ASPG: variants seen among roughly 807,000 people sequenced by gnomAD.
The protein encoded by ASPG is asparaginase.
In ASPG, 53 loss-of-function variants were observed where a neutral mutation model predicts 63.2. That is an observed-to-expected ratio of 0.84 (90% CI 0.67 to 1.05). The LOEUF (loss-of-function observed/expected upper bound fraction) is 1.05. Ranked by LOEUF, ASPG falls within the 50% of genes least tolerant of loss-of-function variation. ASPG has a pLI of 0.00. For missense variants in ASPG, 741 were observed against 794.4 expected (o/e 0.93, Z 0.81); for synonymous variants, 370 against 355.0 (o/e 1.04, Z -0.48).
chr14:104,089,004 G>T (rs1452476109), intron 1 of ASPG, among the ~76,000 whole-genome samples: 3 of 152,052 alleles, frequency 2.0e-5, no homozygotes, highest in Non-Finnish European at 4.4e-5. Context: ...GTGAAAGCCG[G>T]TGTTTGTTTA....
chr14:104,110,402 C>T lies in ASPG; in HGVS notation c.1520+1087C>T. On this transcript the variant is annotated intron_variant, in intron 13 of 15. Transcript: ENST00000551177. This position sits in a 1 kb window ranked among gnomAD's most constrained non-coding sequence, Gnocchi z 4.7. ...GGTGACTTGGTCAAGATTTGCACTC[C>T]AGACAGGCCTTGCTGGCTCCATTGA... is the stretch of plus-strand genomic sequence containing the variant. 1 of 985,340 alleles carries T rather than the reference C, an allele frequency of 1.0e-6. No homozygotes were observed. The highest frequency in any genetic ancestry group is 4.7e-5 in the South Asian group (1 of 21,282). The allele number at this position is 985,340 out of a possible 1,614,324, so 61.0% of individuals were successfully genotyped here.
chr14:104,106,968 C>T (rs978601219), intron 11 of ASPG, 74 bp downstream of exon 11: 28 of 1,444,906 alleles, frequency 1.9e-5, no homozygotes, highest in African/African-American at 5.7e-5. Context: ...GTAGGCAGGA[C>T]GGCCTTTCAT....
Position 104,110,370 on chromosome 14 carries a change from C to A in ASPG, c.1520+1055C>A. On this transcript the variant is annotated intron_variant, in intron 13 of 15. Coordinates refer to ENST00000551177, the MANE Select transcript of ASPG (RefSeq NM_001080464.3). The surrounding 1 kb of genome is among the most constrained non-coding windows in gnomAD (Gnocchi z 4.7). ...ACCCCTGGTCTTGCTTTTGAAGGGACTTCCGGGGTGACTTGGTCAAGATTT... is the reference window on the plus strand; with the variant it reads ...ACCCCTGGTCTTGCTTTTGAAGGGAATTCCGGGGTGACTTGGTCAAGATTT... The A allele has an allele frequency of 1.0e-6, 1 of 985,346 alleles. No individual in the cohort carries two copies. Among genetic ancestry groups the A allele is most frequent in the Non-Finnish European group, 1.2e-6 (1 of 829,898 alleles). The allele number at this position is 985,346 out of a possible 1,614,324, so 61.0% of individuals were successfully genotyped here.
Position 104,111,978 on chromosome 14 carries a change from T to A in ASPG, c.1679T>A (p.Val560Asp), listed in dbSNP as rs199572221. 543 of 1,556,072 alleles carry A rather than the reference T, an allele frequency of 3.5e-4. 1 individual carries two copies. In the African/African-American group the frequency reaches 5.4e-3, roughly 16 times the overall value. Residue 560 changes from valine (V) to aspartate (D), a missense_variant, in exon 15 of 16, where the codon GTT becomes GAT. Physicochemically the swap from Val to Asp is radical, Grantham distance 152. Transcript: ENST00000551177. The stretch of plus-strand genomic sequence containing the variant: ...TTTCTACAGAGCCTGGAGGGTGCGG[T>A]TGGTGCCCAGGCCCCATGCCCAGTA... ...VAFLQSLEGA[V>D]GAQAPCPEVL...
intron 4 of ASPG, among the ~76,000 whole-genome samples, 182 bp from the exon 5 acceptor site, chr14:104,097,372 C>T (rs1371198630): frequency 6.6e-6 from 1 of 152,162 alleles, no homozygotes; most frequent in African/African-American, 2.4e-5. Flanking sequence ...TCTGAGTGCC[C>T]CGTTCCCCCA....
chr14:104,092,890 C>G, intron 2 of ASPG, 149 bp downstream of exon 2: 1 of 651,006 alleles, frequency 1.5e-6, no homozygotes, highest in Non-Finnish European at 2.6e-6. Flanking sequence ...TTAGGACTGA[C>G]CAGCAGTCGC....
At position 104,105,427 on chromosome 14, in the gene ASPG, C is replaced by T. The variant is rs751421236; in HGVS notation, c.1150C>T (p.Leu384Phe). 17 of 1,606,386 alleles carry T rather than the reference C, an allele frequency of 1.1e-5. No homozygotes were observed. Among genetic ancestry groups the T allele is most frequent in the African/African-American group, 2.7e-5 (2 of 74,816 alleles). ...GNTLGGGVSW[L>F]LSLSGSQEAD... ...CACGCTGGGCGGTGGGGTCTCCTGG[C>T]TCCTCAGTCTGAGCGGCAGCCAGGT... Residue 384 changes from leucine (L) to phenylalanine (F), a missense_variant, in exon 10 of 16, where the codon CTC becomes TTC. Leu to Phe is a conservative substitution (Grantham distance 22). Coordinates refer to ENST00000551177, the MANE Select transcript of ASPG (RefSeq NM_001080464.3).
intron 1 of ASPG, among the ~76,000 whole-genome samples, chr14:104,087,737 C>T (rs889940518): frequency 6.6e-6 from 1 of 152,172 alleles, no homozygotes; most frequent in Non-Finnish European, 1.5e-5. Flanking sequence ...CTTGAGTGGT[C>T]CGAGCTGCAG....
Position 104,112,811 on chromosome 14 carries a change from C to T in ASPG, c.*267C>T, listed in dbSNP as rs2037418108. ...GGCTCTGTGGGGTCTCTGCGGGGGTCACTTGGCCCATCCTTCCGGGGGCAG... is the reference window on the plus strand; with the variant it reads ...GGCTCTGTGGGGTCTCTGCGGGGGTTACTTGGCCCATCCTTCCGGGGGCAG... On this transcript the variant is annotated 3_prime_UTR_variant, in exon 16 of 16. Coordinates refer to ENST00000551177, the MANE Select transcript of ASPG (RefSeq NM_001080464.3). 1.6e-6 allele frequency: 1 copy of T among 632,898 alleles called. No homozygotes were observed. Among genetic ancestry groups the T allele is most frequent in the African/African-American group, 1.9e-5 (1 of 53,980 alleles). 39.2% of individuals were successfully genotyped at this position (632,898 alleles called of 1,614,324 possible). A position where few individuals can be genotyped will look rare whatever the true frequency, so the allele number is the denominator to read the frequency against.
At chr14:104,092,587 GGCT>G in intron 1 of ASPG, 43 bp from the exon 2 acceptor site, 1 of 1,471,788 alleles carries the variant, frequency 6.8e-7, no homozygotes, top group Non-Finnish European at 9.2e-7. Context: ...AGGCGGCCAT[GGCT>G]GTCAGCCCCT....
intron 9 of ASPG, 173 bp from the exon 10 acceptor site, chr14:104,105,155 G>A: frequency 1.0e-6 from 1 of 975,414 alleles, no homozygotes; most frequent in South Asian, 1.6e-5. Flanking sequence ...AGGGAGTGGG[G>A]CTGGCCTTGG....
rs763719317 is a variant in ASPG at position 104,112,751 on chromosome 14, C to T, written c.*207C>T. 84 of 1,212,322 alleles carry T rather than the reference C, an allele frequency of 6.9e-5. No homozygotes were observed. The highest frequency in any genetic ancestry group is 9.3e-5 in the Non-Finnish European group (82 of 881,060). The allele number at this position is 1,212,322 out of a possible 1,614,324, so 75.1% of individuals were successfully genotyped here. ...TGGCTCTGAGAGGCTCTGTCTGGGT[C>T]CGGGACTGTGGATGTGTGTGGGGAG... On this transcript the variant is annotated 3_prime_UTR_variant, in exon 16 of 16. Transcript: ENST00000551177.
chr14:104,092,391 G>A (rs762205117), intron 1 of ASPG, among the ~76,000 whole-genome samples: 1 of 152,290 alleles, frequency 6.6e-6, no homozygotes, highest in Non-Finnish European at 1.5e-5. Context: ...TCCTGGGGCC[G>A]TCCAGGTGCG....
intron 12 of ASPG, among the ~76,000 whole-genome samples, 164 bp downstream of exon 12, chr14:104,107,509 C>T (rs1167969153): frequency 2.6e-5 from 4 of 152,076 alleles, no homozygotes; most frequent in Non-Finnish European, 5.9e-5. Flanking sequence ...GACCCCGGCC[C>T]AGAGTTCCTA....
rs1359472778 is a variant in ASPG at position 104,085,773 on chromosome 14, GGC to G, written c.11_12del (p.Ala4GlyfsTer21). The G allele has an allele frequency of 1.3e-6, 2 of 1,579,478 alleles. No homozygotes were observed. Among genetic ancestry groups the G allele is most frequent in the Non-Finnish European group, 8.5e-7 (1 of 1,170,558 alleles). The part of the protein sequence containing the change: M[A>X]RAVGPERRLL... The stretch of plus-strand genomic sequence containing the variant: ...ACTCCCGTGGTCCCCGGTCCGGCAT[GGC>G]GCGCGCGGTGGGGCCCGAGCGGAGG... On this transcript the variant is annotated frameshift_variant, in exon 1 of 16. Transcript: ENST00000551177. LOFTEE classifies it high-confidence loss of function.
chr14:104,111,659 C>A, intron 14 of ASPG, 58 bp downstream of exon 14: 1 of 1,422,726 alleles, frequency 7.0e-7, no homozygotes, highest in Non-Finnish European at 9.7e-7. Context: ...GGAAGGACAC[C>A]TGGACAATTC....
intron 6 of ASPG, among the ~76,000 whole-genome samples, chr14:104,099,582 G>A (rs901631481): frequency 2.4e-4 from 36 of 152,242 alleles, no homozygotes; most frequent in African/African-American, 7.7e-4. Context: ...CTGGCCTACC[G>A]TCGCTCCGTC....
At position 104,112,833 on chromosome 14, in the gene ASPG, G is replaced by A. The variant is rs964171795; in HGVS notation, c.*289G>A. 1.3e-5 allele frequency: 7 copies of A among 535,594 alleles called. No homozygotes were observed. The highest frequency in any genetic ancestry group is 3.7e-5 in the East Asian group (1 of 27,214). 33.2% of individuals were successfully genotyped at this position (535,594 alleles called of 1,614,324 possible). A position where few individuals can be genotyped will look rare whatever the true frequency, so the allele number is the denominator to read the frequency against. On this transcript the variant is annotated 3_prime_UTR_variant, in exon 16 of 16. Coordinates refer to ENST00000551177, the MANE Select transcript of ASPG (RefSeq NM_001080464.3). ...GGTCACTTGGCCCATCCTTCCGGGG[G>A]CAGCTGTGCGTGTGAGCTGGGCAGG...
chr14:104,101,806 T>C (rs1302319058), intron 6 of ASPG, among the ~76,000 whole-genome samples: 1 of 152,156 alleles, frequency 6.6e-6, no homozygotes, highest in East Asian at 1.9e-4. Flanking sequence ...GCATCCAGCT[T>C]TGAGGCCGCA....
Sources: gnomAD v4.1 joint callset for allele counts (sites outside exome capture counted in the v4.1 genomes callset) on GRCh38, gnomAD v4.1.1 for gene constraint, Gnocchi (gnomAD v3.1) non-coding constraint, MANE v1.5 for transcripts, NCBI Gene and HGNC (gene_info 2026-07-23, HGNC 2026-07-21) for gene names.